The following DIP2B variants were observed in gnomAD, a reference collection of about 807,000 sequenced individuals.
The protein encoded by DIP2B is DIP2 acetate--CoA ligase B (putative).
DIP2B carries 76 observed loss-of-function variants against 198.0 expected under a neutral mutation model. The ratio of observed to expected loss-of-function variants is 0.38; its 90% CI spans 0.32 to 0.46. The LOEUF (loss-of-function observed/expected upper bound fraction) is 0.46, where lower values mean the gene tolerates loss of function less well. DIP2B is among the 20% of genes least tolerant of loss of function. The probability of loss-of-function intolerance (pLI) is 0.99; values close to 1 mark genes in which losing one functional copy is unlikely to be tolerated. For missense variants in DIP2B, 1,559 were observed against 1,978.4 expected, an observed-to-expected ratio of 0.79 and a Z score of 4.02; for synonymous variants, 701 against 739.1, an observed-to-expected ratio of 0.95 and a Z score of 0.84.
At chr12:50,564,473 C>T (rs1253635501) in intron 1 of DIP2B, among the ~76,000 whole-genome samples, 2 of 152,144 alleles carry the variant, frequency 1.3e-5, no homozygotes, top group African/African-American at 4.8e-5. Context: ...AAATAGGAAA[C>T]AGAAAGCTGT....
At chr12:50,509,467 A>G (rs114745879) in intron 1 of DIP2B, among the ~76,000 whole-genome samples, 1,611 of 152,328 alleles carry the variant, frequency 0.011, 31 homozygotes, top group African/African-American at 0.037. Flanking sequence ...TAACACTCAC[A>G]GGAAGGGATC....
At chr12:50,512,223 C>T (rs1958024396) in intron 1 of DIP2B, among the ~76,000 whole-genome samples, 1 of 149,770 alleles carries the variant, frequency 6.7e-6, no homozygotes, top group Non-Finnish European at 1.5e-5. Context: ...TCTCCTGCTT[C>T]AGCCTACTGA....
At chr12:50,530,102 G>A (rs61699126) in intron 1 of DIP2B, among the ~76,000 whole-genome samples, 48,408 of 151,576 alleles carry the variant, frequency 0.32, 7,897 homozygotes, top group South Asian at 0.39. Flanking sequence ...TTTGAGACAG[G>A]GTCTCTCTCT....
chr12:50,609,227 A>G (rs1959010904), intron 1 of DIP2B, among the ~76,000 whole-genome samples: 1 of 152,256 alleles, frequency 6.6e-6, no homozygotes, highest in Non-Finnish European at 1.5e-5. Context: ...ATTAGCTTTT[A>G]AAAGTTTTAG....
chr12:50,602,443 A>AT (rs34714157), intron 1 of DIP2B, among the ~76,000 whole-genome samples: 1 of 151,970 alleles, frequency 6.6e-6, no homozygotes, highest in South Asian at 2.1e-4. Context: ...TAATTTTTGT[A>AT]TTTTTTGTAG....
chr12:50,653,346 C>CTTTTTTTTTTTTTTTTTTTTTTTTTT (rs34185073), intron 3 of DIP2B, among the ~76,000 whole-genome samples: 9 of 76,642 alleles, frequency 1.2e-4, no homozygotes, highest in Non-Finnish European at 1.7e-4. Context: ...TTTTTCTTTT[C>CTTTTTTTTTTTTTTTTTTTTTTTTTT]TTTTTTTTTT....
chr12:50,715,112 G>T (rs912308868), intron 23 of DIP2B, among the ~76,000 whole-genome samples: 2 of 152,190 alleles, frequency 1.3e-5, no homozygotes, highest in Non-Finnish European at 2.9e-5. Flanking sequence ...GCATATTTTT[G>T]TCAGGTAAAA....
intron 1 of DIP2B, among the ~76,000 whole-genome samples, chr12:50,612,053 A>G (rs2139454540): frequency 6.6e-6 from 1 of 151,448 alleles, no homozygotes; most frequent in Non-Finnish European, 1.5e-5. Context: ...GAGGTGGCTC[A>G]CATGTGTAAT....
At chr12:50,650,886 C>T (rs1387627253) in intron 3 of DIP2B, among the ~76,000 whole-genome samples, 2 of 152,140 alleles carry the variant, frequency 1.3e-5, no homozygotes, top group African/African-American at 4.8e-5. Flanking sequence ...AAACTCCGTA[C>T]TATTTTCCTT....
chr12:50,628,673 C>T (rs1256371438), intron 2 of DIP2B, among the ~76,000 whole-genome samples: 1 of 152,188 alleles, frequency 6.6e-6, no homozygotes, highest in African/African-American at 2.4e-5. Flanking sequence ...ATTTACTTGT[C>T]AGCCACTTCC....
intron 36 of DIP2B, 47 bp from the exon 37 acceptor site, chr12:50,741,369 A>G: frequency 1.3e-6 from 2 of 1,596,690 alleles, no homozygotes; most frequent in Non-Finnish European, 8.5e-7. Flanking sequence ...GTTATGTTGC[A>G]CTCAGTATAT....
chr12:50,546,689 G>T (rs1402135802), intron 1 of DIP2B, among the ~76,000 whole-genome samples: 1 of 152,170 alleles, frequency 6.6e-6, no homozygotes, highest in Non-Finnish European at 1.5e-5. Flanking sequence ...GATAATAGGT[G>T]CCCAGTAAAT....
chr12:50,565,894 T>TTG (rs1958559498), intron 1 of DIP2B, among the ~76,000 whole-genome samples: 1 of 152,222 alleles, frequency 6.6e-6, no homozygotes, highest in African/African-American at 2.4e-5. Context: ...TTCACAGTTT[T>TTG]TGTGTGTGTG....
chr12:50,560,176 C>T (rs577261365), intron 1 of DIP2B, among the ~76,000 whole-genome samples: 5 of 151,980 alleles, frequency 3.3e-5, no homozygotes, highest in Non-Finnish European at 7.4e-5. Flanking sequence ...GGGTGGATCA[C>T]GAGGTCAGGA....
intron 2 of DIP2B, among the ~76,000 whole-genome samples, chr12:50,627,259 G>A (rs546662108): frequency 6.2e-4 from 94 of 152,308 alleles, no homozygotes; most frequent in Admixed American, 1.8e-3. Context: ...CTGTAAAAAG[G>A]ACCACAGTTT....
chr12:50,515,937 C>T (rs2139345278), intron 1 of DIP2B, among the ~76,000 whole-genome samples: 1 of 152,326 alleles, frequency 6.6e-6, no homozygotes, highest in East Asian at 1.9e-4. Context: ...TATCTCCATC[C>T]ATTTCTGCTG....
At chr12:50,655,845 C>T (rs1053916469) in intron 3 of DIP2B, among the ~76,000 whole-genome samples, 1 of 152,086 alleles carries the variant, frequency 6.6e-6, no homozygotes, top group Non-Finnish European at 1.5e-5. Flanking sequence ...GCTGGGTGTG[C>T]ACCTGTGGTC....
At chr12:50,636,431 C>T (rs980114441) in intron 2 of DIP2B, among the ~76,000 whole-genome samples, 3 of 152,208 alleles carry the variant, frequency 2.0e-5, no homozygotes, top group East Asian at 1.9e-4. Context: ...TTGGAGCACA[C>T]ATTGCAATTA....
chr12:50,740,515 C>T (rs1179438867), intron 36 of DIP2B, among the ~76,000 whole-genome samples: 1 of 152,206 alleles, frequency 6.6e-6, no homozygotes, highest in Non-Finnish European at 1.5e-5. Flanking sequence ...ACACAGGAAG[C>T]ACCCATTAGT....
Sources: gnomAD v4.1 joint callset for allele counts (sites outside exome capture counted in the v4.1 genomes callset) on GRCh38, gnomAD v4.1.1 for gene constraint, MANE v1.5 for transcripts, NCBI Gene and HGNC (gene_info 2026-07-23, HGNC 2026-07-21) for gene names.